The following BTBD9 variants were observed in gnomAD, a reference collection of about 807,000 sequenced individuals.
BTBD9 encodes the protein BTB domain containing 9.
BTBD9 carries 49 observed loss-of-function variants against 64.3 expected under a neutral mutation model. The ratio of observed to expected loss-of-function variants is 0.76; its 90% CI spans 0.61 to 0.97. The LOEUF (loss-of-function observed/expected upper bound fraction) is 0.97, where lower values mean the gene tolerates loss of function less well. Among genes scored for constraint, BTBD9 ranks in the 50% least tolerant of loss-of-function variants. The pLI, the probability that BTBD9 is intolerant of heterozygous loss-of-function variation, is 0.00. For synonymous variants in BTBD9, 260 were observed against 274.7 expected (o/e 0.95, Z 0.53); for missense variants, 598 against 762.1 (o/e 0.78, Z 2.53).
intron 10 of BTBD9, among the ~76,000 whole-genome samples, chr6:38,188,763 G>C (rs1426781248): frequency 6.6e-6 from 1 of 152,186 alleles, no homozygotes; most frequent in Non-Finnish European, 1.5e-5. Flanking sequence ...GTTCAGCGGA[G>C]GTCATGAAGG....
chr6:38,333,900 C>T (rs1287244565), intron 7 of BTBD9, among the ~76,000 whole-genome samples: 1 of 152,174 alleles, frequency 6.6e-6, no homozygotes, highest in Non-Finnish European at 1.5e-5. Flanking sequence ...AGAACTGGAA[C>T]AGCCTGGAGG....
intron 4 of BTBD9, among the ~76,000 whole-genome samples, chr6:38,582,051 AT>A (rs1776309573): frequency 6.6e-6 from 1 of 152,218 alleles, no homozygotes; most frequent in Non-Finnish European, 1.5e-5. Flanking sequence ...ATCATTGCAG[AT>A]TTCTGGAAAA....
chr6:38,609,805 T>C (rs1373524123), intron 1 of BTBD9, among the ~76,000 whole-genome samples: 2 of 152,356 alleles, frequency 1.3e-5, no homozygotes, highest in African/African-American at 4.8e-5. Context: ...TCAAGGTTGA[T>C]CTCTGTTCCT....
intron 6 of BTBD9, among the ~76,000 whole-genome samples, chr6:38,388,098 C>T (rs1197816269): frequency 8.5e-5 from 13 of 152,122 alleles, no homozygotes; most frequent in Non-Finnish European, 4.4e-5. Flanking sequence ...AATTTCCTCA[C>T]TCAAGTGAAA....
chr6:38,394,285 A>G (rs1314492521), intron 6 of BTBD9, among the ~76,000 whole-genome samples: 1 of 152,168 alleles, frequency 6.6e-6, no homozygotes, highest in South Asian at 2.1e-4. Context: ...ATAAGTAGGC[A>G]ATTGGTGCTG....
intron 7 of BTBD9, among the ~76,000 whole-genome samples, chr6:38,344,717 T>C (rs1000071767): frequency 2.6e-5 from 4 of 152,224 alleles, no homozygotes; most frequent in Admixed American, 2.6e-4. Flanking sequence ...TCACAAACAT[T>C]CCCTACATAG....
chr6:38,472,272 C>T (rs1429771153), intron 6 of BTBD9, among the ~76,000 whole-genome samples: 3 of 152,188 alleles, frequency 2.0e-5, no homozygotes, highest in African/African-American at 4.8e-5. Flanking sequence ...AGGTTAGGAG[C>T]AATATTTTTA....
chr6:38,528,453 C>T (rs759874525), intron 6 of BTBD9, among the ~76,000 whole-genome samples: 4 of 152,148 alleles, frequency 2.6e-5, no homozygotes, highest in East Asian at 1.9e-4. Context: ...AGGGTGGCCA[C>T]GGAAATGCTT....
chr6:38,228,274 C>T (rs1456693680), intron 9 of BTBD9, among the ~76,000 whole-genome samples: 1 of 136,860 alleles, frequency 7.3e-6, no homozygotes, highest in Non-Finnish European at 1.5e-5. Flanking sequence ...GGTAGGAGGA[C>T]TGTTTGAGGC....
At chr6:38,349,080 T>C (rs1252654129) in intron 6 of BTBD9, among the ~76,000 whole-genome samples, 1 of 152,024 alleles carries the variant, frequency 6.6e-6, no homozygotes, top group Non-Finnish European at 1.5e-5. Flanking sequence ...GCAAATTTTT[T>C]TGTAGAGATG....
At chr6:38,582,784 A>T (rs1457879779) in intron 4 of BTBD9, among the ~76,000 whole-genome samples, 1 of 152,212 alleles carries the variant, frequency 6.6e-6, no homozygotes, top group Non-Finnish European at 1.5e-5. Context: ...ATCTAAAAAG[A>T]ATACTTTGTC....
intron 7 of BTBD9, among the ~76,000 whole-genome samples, chr6:38,305,042 G>A (rs1046415235): frequency 2.0e-5 from 3 of 151,918 alleles, no homozygotes; most frequent in South Asian, 2.1e-4. Context: ...CATGGTAGGC[G>A]CTCAATAAAT....
intron 7 of BTBD9, among the ~76,000 whole-genome samples, chr6:38,330,054 T>C (rs1763611762): frequency 1.4e-5 from 1 of 70,654 alleles, no homozygotes. Flanking sequence ...TTTTCTTTTC[T>C]TTTTTTTTGT....
chr6:38,614,966 G>A (rs949295894), intron 1 of BTBD9, among the ~76,000 whole-genome samples: 2 of 152,130 alleles, frequency 1.3e-5, no homozygotes, highest in South Asian at 2.1e-4. Flanking sequence ...GGTATTCCAC[G>A]GCTCTTATCG....
chr6:38,220,063 CCTCTTGGG>C (rs1175911109), intron 9 of BTBD9, among the ~76,000 whole-genome samples: 13 of 152,152 alleles, frequency 8.5e-5, no homozygotes, highest in African/African-American at 3.1e-4. Context: ...AGTGCGTCTA[CCTCTTGGG>C]CTGATGTGTT....
intron 6 of BTBD9, among the ~76,000 whole-genome samples, chr6:38,407,470 C>T (rs1223822303): frequency 3.3e-5 from 5 of 151,910 alleles, no homozygotes; most frequent in Admixed American, 6.6e-5. Flanking sequence ...TGGCTATGCC[C>T]GGATCAGGAC....
At chr6:38,397,355 A>C (rs1231487157) in intron 6 of BTBD9, among the ~76,000 whole-genome samples, 2 of 152,260 alleles carry the variant, frequency 1.3e-5, no homozygotes, top group Non-Finnish European at 2.9e-5. Context: ...GGAGATGTAG[A>C]AAAGAAGACT....
intron 6 of BTBD9, among the ~76,000 whole-genome samples, chr6:38,462,432 A>G (rs1770140624): frequency 6.6e-6 from 1 of 152,200 alleles, no homozygotes; most frequent in African/African-American, 2.4e-5. Flanking sequence ...TTGCCTTTGC[A>G]CCTTTGTTGA....
chr6:38,265,901 T>A (rs578050402), intron 8 of BTBD9, among the ~76,000 whole-genome samples: 6 of 152,314 alleles, frequency 3.9e-5, no homozygotes, highest in African/African-American at 1.4e-4. Flanking sequence ...AAGTTTTAGG[T>A]GATAACATAA....
Sources: gnomAD v4.1 joint callset for allele counts (sites outside exome capture counted in the v4.1 genomes callset) on GRCh38, gnomAD v4.1.1 for gene constraint, MANE v1.5 for transcripts, NCBI Gene and HGNC (gene_info 2026-07-23, HGNC 2026-07-21) for gene names.